The following BIRC6 variants were observed in gnomAD, a reference collection of about 807,000 sequenced individuals.
The protein encoded by BIRC6 is dual E2 ubiquitin-conjugating enzyme/E3 ubiquitin-protein ligase BIRC6.
Under a neutral mutation model 503.3 loss-of-function variants are expected in BIRC6, and 98 were observed. The ratio of observed to expected loss-of-function variants is 0.19; its 90% CI spans 0.17 to 0.23. The LOEUF is 0.23. Ranked by LOEUF, BIRC6 falls within the 10% of genes least tolerant of loss-of-function variation. The pLI is 1.00. For missense variants in BIRC6, 5,360 were observed against 5,806.0 expected (o/e 0.92, Z 2.50); for synonymous variants, 2,240 against 2,078.7 (o/e 1.08, Z -2.11).
chr2:32,417,651 G>T (rs548315063), intron 10 of BIRC6, among the ~76,000 whole-genome samples: 7 of 152,302 alleles, frequency 4.6e-5, no homozygotes, highest in African/African-American at 1.7e-4. Flanking sequence ...CTCATCTGTG[G>T]TTCTGATAGT....
intron 3 of BIRC6, among the ~76,000 whole-genome samples, chr2:32,388,308 G>T (rs2038768750): frequency 6.6e-6 from 1 of 151,710 alleles, no homozygotes; most frequent in Non-Finnish European, 1.5e-5. Flanking sequence ...CTTGAACCCA[G>T]GAGGCAGAGG....
In BIRC6 at chr2:32,469,578, A is replaced by G; in HGVS notation, c.6311A>G (p.Tyr2104Cys). ...QFLSNVLQEL[Y>C]NSEQLLIFPQ... ...CTTTCTAATGTCCTTCAGGAATTGT[A>G]CAATTCGGAACAGCTTCTCATCTTT... Residue 2104 changes from tyrosine (Y) to cysteine (C), a missense_variant, in exon 30 of 74, where the codon TAC (tyrosine) becomes TGC (cysteine). Tyr to Cys is a radical substitution (Grantham distance 194). Transcript: ENST00000421745. The G allele has an allele frequency of 6.2e-7, 1 of 1,613,806 alleles. No homozygotes were observed. Among genetic ancestry groups the G allele is most frequent in the Non-Finnish European group, 8.5e-7 (1 of 1,179,738 alleles).
At chr2:32,589,323 A>T (rs192049047) in intron 66 of BIRC6, among the ~76,000 whole-genome samples, 2 of 152,284 alleles carry the variant, frequency 1.3e-5, no homozygotes, top group East Asian at 1.9e-4. Context: ...AAAGTTGTTC[A>T]TCATAGTTTT....
chr2:32,536,405 G>T lies in BIRC6; in HGVS notation c.12291+4854G>T, dbSNP rs565019689. 2.3e-3 allele frequency among the ~76,000 whole-genome samples: 347 copies of T among 152,252 alleles called. 2 individuals carry two copies. Among genetic ancestry groups the T allele is most frequent in the African/African-American group, 7.9e-3 (327 of 41,550 alleles). ...CCATGCCTATGTCCTGAATGGTATT[G>T]CCTAGGTTTTCTTCTAGGGTTTTTA... On this transcript the variant is annotated intron_variant, in intron 61 of 73. Transcript: ENST00000421745.
intron 72 of BIRC6, among the ~76,000 whole-genome samples, chr2:32,609,391 C>T (rs978504242): frequency 4.0e-5 from 6 of 151,672 alleles, no homozygotes; most frequent in African/African-American, 1.5e-4. Flanking sequence ...TATCAAATGA[C>T]GTTAGCATCA....
chr2:32,465,700 T>TAGG (rs2048469485), intron 26 of BIRC6, among the ~76,000 whole-genome samples: 1 of 152,246 alleles, frequency 6.6e-6, no homozygotes, highest in Non-Finnish European at 1.5e-5. Flanking sequence ...AACTTTTCTC[T>TAGG]TAAAACAGTT....
chr2:32,467,658 G>A lies in BIRC6; in HGVS notation c.5490G>A (p.Arg1830=). 6.2e-7 allele frequency: 1 copy of A among 1,613,892 alleles called. No homozygotes were observed. Among genetic ancestry groups the A allele is most frequent in the Non-Finnish European group, 8.5e-7 (1 of 1,179,884 alleles). ...WTLGEEVDGR[R]LVVATDISTH... is the part of the protein sequence containing the mutation. ...TAGGAGAAGAGGTGGATGGAAGGCG[G>A]TTGGTAGTGGCAACTGATATAAGCA... The change falls in exon 27 of 74, where the codon CGG becomes CGA. Residue 1830 remains arginine (R), a synonymous_variant. Coordinates refer to ENST00000421745, the MANE Select transcript of BIRC6 (RefSeq NM_016252.4).
chr2:32,597,990 G>A (rs1345256362), intron 69 of BIRC6, 22 bp downstream of exon 69: 4 of 1,572,518 alleles, frequency 2.5e-6, no homozygotes, highest in Middle Eastern at 1.7e-4. Context: ...TGATAATAAA[G>A]CACTCTCCCT....
Position 32,429,199 on chromosome 2 carries a change from G to A in BIRC6, c.2926G>A (p.Ala976Thr). The stretch of plus-strand genomic sequence containing the variant: ...AGGAACCTGTGATGATATTGATGAA[G>A]CTGATATACTAGTGGATGGATCTCT... ...IGGTCDDIDEADILVDGSLSK... is the reference protein window; with the variant it reads ...IGGTCDDIDETDILVDGSLSK... The change falls in exon 11 of 74, where the codon GCT becomes ACT. Residue 976 changes from alanine to threonine, a missense_variant. This residue lies in a region of BIRC6 where 700 missense variants were observed against 739.3 expected (regional missense o/e 0.95). Transcript: ENST00000421745. 1.3e-6 allele frequency: 2 copies of A among 1,585,944 alleles called. No homozygotes were observed. Among genetic ancestry groups the A allele is most frequent in the South Asian group, 1.2e-5 (1 of 86,752 alleles).
chr2:32,568,472 A>G (rs1238411006), intron 65 of BIRC6, among the ~76,000 whole-genome samples: 1 of 145,848 alleles, frequency 6.9e-6, no homozygotes, highest in East Asian at 2.0e-4. Context: ...AGCCTGGGCA[A>G]CAGAGTGAGA....
intron 10 of BIRC6, among the ~76,000 whole-genome samples, chr2:32,420,749 T>C (rs1010791654): frequency 2.6e-5 from 4 of 152,092 alleles, no homozygotes; most frequent in African/African-American, 9.7e-5. Context: ...TGACCTCAAG[T>C]GATTCACCTG....
At chr2:32,444,031 G>GTTTTTTTTTTTTTTTTTTTTT (rs776568064) in intron 20 of BIRC6, among the ~76,000 whole-genome samples, 60 of 136,864 alleles carry the variant, frequency 4.4e-4, no homozygotes, top group African/African-American at 1.5e-3. Context: ...GGGACCAGTG[G>GTTTTTTTTTTTTTTTTTTTTT]TTTTTTTTTT....
chr2:32,584,173 G>C (rs1300157304), intron 66 of BIRC6, among the ~76,000 whole-genome samples: 1 of 152,156 alleles, frequency 6.6e-6, no homozygotes, highest in Non-Finnish European at 1.5e-5. Flanking sequence ...AGGAGTTTAA[G>C]ACAAGCCTGG....
chr2:32,482,644 A>G (rs560000336), intron 39 of BIRC6, 62 bp downstream of exon 39: 79 of 1,571,862 alleles, frequency 5.0e-5, no homozygotes, highest in Non-Finnish European at 6.5e-5. Flanking sequence ...TCATTTATGT[A>G]TACTTTGTCC....
chr2:32,445,247 ATTAT>A (rs2045833072), intron 20 of BIRC6, among the ~76,000 whole-genome samples: 1 of 152,238 alleles, frequency 6.6e-6, no homozygotes, highest in African/African-American at 2.4e-5. Flanking sequence ...ATAAATACAC[ATTAT>A]TATACACCTA....
chr2:32,594,815 G>C (rs1248851640), intron 67 of BIRC6, among the ~76,000 whole-genome samples: 1 of 152,120 alleles, frequency 6.6e-6, no homozygotes, highest in African/African-American at 2.4e-5. Context: ...TCATAAAGAT[G>C]ATTATGTTTT....
chr2:32,411,932 T>C (rs1280789768), intron 9 of BIRC6, among the ~76,000 whole-genome samples: 5 of 152,222 alleles, frequency 3.3e-5, no homozygotes, highest in African/African-American at 1.2e-4. Context: ...TGACATCTAT[T>C]GTAAGACTTT....
intron 3 of BIRC6, among the ~76,000 whole-genome samples, chr2:32,386,640 A>G (rs987714391): frequency 6.6e-6 from 1 of 152,008 alleles, no homozygotes; most frequent in African/African-American, 2.4e-5. Flanking sequence ...AGATCTTGCT[A>G]TGTTGACCAG....
At chr2:32,567,139 T>A (rs2059589227) in intron 65 of BIRC6, among the ~76,000 whole-genome samples, 1 of 151,662 alleles carries the variant, frequency 6.6e-6, no homozygotes, top group Admixed American at 6.6e-5. Context: ...CCTGGCTGTT[T>A]TTGTATTTTT....
Sources: gnomAD v4.1 joint callset for allele counts (sites outside exome capture counted in the v4.1 genomes callset) on GRCh38, gnomAD v4.1.1 for gene constraint, gnomAD v4.1.1 regional missense constraint, MANE v1.5 for transcripts, NCBI Gene and HGNC (gene_info 2026-07-23, HGNC 2026-07-21) for gene names.